The following C17orf99 variants were observed in gnomAD, a reference collection of about 807,000 sequenced individuals.
The protein encoded by C17orf99 is protein IL-40.
C17orf99 carries 18 observed loss-of-function variants against 22.6 expected under a neutral mutation model. The ratio of observed to expected loss-of-function variants is 0.80; its 90% CI spans 0.55 to 1.18. The LOEUF is 1.18. Among genes scored for constraint, C17orf99 ranks in the 50% most tolerant of loss-of-function variants. The pLI, the probability that C17orf99 is intolerant of heterozygous loss-of-function variation, is 0.00. For synonymous variants in C17orf99, 147 were observed against 136.6 expected, an observed-to-expected ratio of 1.08 and a Z score of -0.53; for missense variants, 328 against 342.7, an observed-to-expected ratio of 0.96 and a Z score of 0.34.
intron 3 of C17orf99, among the ~76,000 whole-genome samples, chr17:78,163,148 G>T (rs753023225): frequency 5.9e-5 from 9 of 152,202 alleles, no homozygotes; most frequent in Non-Finnish European, 1.0e-4. Flanking sequence ...CAGCTACTTG[G>T]GTGGCTGAGG....
At chr17:78,157,327 G>A (rs12946626) in intron 2 of C17orf99, 74,590 of 598,096 alleles carry the variant, frequency 0.12, 5,403 homozygotes, top group Admixed American at 0.21. Context: ...CCTGTGTTCA[G>A]CAGCGGCGGC....
rs371151177 is a variant in C17orf99, at chr17:78,164,352, G to T, written c.628G>T (p.Val210Leu). 1.3e-6 allele frequency: 2 copies of T among 1,551,502 alleles called. No homozygotes were observed. The highest frequency in any genetic ancestry group is 3.3e-4 in the Middle Eastern group (2 of 5,992). Residue 210 changes from valine (V) to leucine (L), a missense_variant, in exon 4 of 5, where the codon GTG (valine) becomes TTG (leucine). Coordinates refer to ENST00000340363, the MANE Select transcript of C17orf99 (RefSeq NM_001163075.2). ...CAATGTCCAGCACAGCGCCCTCACA[G>T]TGGTGCCCCCAGGTGAGAGGGCCCT... ...NANVQHSALT[V>L]VPPGGDQKME... is the part of the protein sequence containing the mutation.
Position 78,146,870 on chromosome 17 carries a change from C to T in C17orf99, c.38-9C>T. 1 of 1,551,454 alleles carries T rather than the reference C, an allele frequency of 6.4e-7. No individual in the cohort carries two copies. Among genetic ancestry groups the T allele is most frequent in the Non-Finnish European group, 8.7e-7 (1 of 1,146,804 alleles). On this transcript the variant is annotated splice_polypyrimidine_tract_variant and intron_variant, in intron 1 of 4. Coordinates refer to ENST00000340363, the MANE Select transcript of C17orf99 (RefSeq NM_001163075.2). The surrounding 1 kb of genome is among the most constrained non-coding windows in gnomAD (Gnocchi z 5.2). ...GGCCCTCTCCTTATCGCCCTTACCT[C>T]TCTTACAGCTGCCAGCAGCTTCTCC... is the stretch of plus-strand genomic sequence containing the variant.
At chr17:78,156,255 G>A (rs946443981) in intron 2 of C17orf99, among the ~76,000 whole-genome samples, 3 of 150,316 alleles carry the variant, frequency 2.0e-5, no homozygotes, top group East Asian at 2.0e-4. Flanking sequence ...ACTTGAACCC[G>A]GGAGGCGGAG....
chr17:78,151,423 C>CAAAAAAAAAAAAAAA (rs35828431), intron 2 of C17orf99, among the ~76,000 whole-genome samples: 1 of 56,174 alleles, frequency 1.8e-5, no homozygotes, highest in Non-Finnish European at 3.4e-5. Flanking sequence ...GACTCTGTCT[C>CAAAAAAAAAAAAAAA]AAAAAAAAAA....
rs73375796 is a variant in C17orf99 at position 78,165,191 on chromosome 17, G to T, written c.641-698G>T. The T allele has an allele frequency of 5.5e-3, 5,503 of 992,086 alleles. 267 individuals carry two copies. In the African/African-American group the frequency reaches 0.09, roughly 16 times the overall value. 61.5% of individuals were successfully genotyped at this position (992,086 alleles called of 1,614,324 possible). A position where few individuals can be genotyped will look rare whatever the true frequency, so the allele number is the denominator to read the frequency against. On this transcript the variant is annotated intron_variant, in intron 4 of 4. Coordinates refer to ENST00000340363, the MANE Select transcript of C17orf99 (RefSeq NM_001163075.2). ...CACCACAGGCCTGTGTGCTCTGCCT[G>T]TCTGGCTTTGGTGGTGGCCAGCCCT...
chr17:78,164,325 G>A lies in C17orf99; in HGVS notation c.601G>A (p.Ala201Thr), dbSNP rs572603834. 1.2e-5 allele frequency: 19 copies of A among 1,551,574 alleles called. No individual in the cohort carries two copies. Among genetic ancestry groups the A allele is most frequent in the South Asian group, 8.3e-5 (7 of 84,068 alleles). ...DWFWCQAANN[A>T]NVQHSALTVV... is the part of the protein sequence containing the mutation. ...GTTCTGGTGCCAGGCTGCAAACAAC[G>A]CCAATGTCCAGCACAGCGCCCTCAC... The change falls in exon 4 of 5, where the codon GCC (alanine) becomes ACC (threonine). Residue 201 changes from alanine to threonine, a missense_variant. Coordinates refer to ENST00000340363, the MANE Select transcript of C17orf99 (RefSeq NM_001163075.2).
intron 2 of C17orf99, among the ~76,000 whole-genome samples, chr17:78,150,372 G>A (rs1294028365): frequency 2.0e-5 from 3 of 152,038 alleles, no homozygotes; most frequent in Non-Finnish European, 4.4e-5. Context: ...TTGAACTCCT[G>A]GCCTCAAGCA....
At chr17:78,151,288 G>T (rs113114248) in intron 2 of C17orf99, among the ~76,000 whole-genome samples, 9 of 151,924 alleles carry the variant, frequency 5.9e-5, no homozygotes, top group African/African-American at 2.2e-4. Context: ...AGCCAGGTAT[G>T]GTGGTGTGTG....
chr17:78,146,425 G>C lies in C17orf99; in HGVS notation c.18G>C (p.Leu6=). Residue 6 remains leucine, a synonymous_variant, in exon 1 of 5, where the codon CTG becomes CTC. Coordinates refer to ENST00000340363, the MANE Select transcript of C17orf99 (RefSeq NM_001163075.2). The surrounding 1 kb of genome is among the most constrained non-coding windows in gnomAD (Gnocchi z 5.2). ...ACCGAGGCATGGGGCTCCCTGGGCT[G>C]TTCTGCTTGGCCGTGCTGGGTGAGT... The part of the protein sequence containing the change: MGLPG[L]FCLAVLAASS... The C allele has an allele frequency of 6.4e-7, 1 of 1,550,436 alleles. No homozygotes were observed. The highest frequency in any genetic ancestry group is 8.7e-7 in the Non-Finnish European group (1 of 1,146,886).
In C17orf99 at chr17:78,147,719, A is replaced by G. The variant is rs143553143; in HGVS notation, c.70+808A>G. Among the ~76,000 whole-genome samples the G allele has an allele frequency of 6.8e-4, 103 of 152,324 alleles. 3 individuals carry two copies. Among genetic ancestry groups the G allele is most frequent in the African/African-American group, 2.4e-3 (99 of 41,556 alleles). ...CTCTATTTTGCTAAAGGGCAGGTAC[A>G]GGGTAATGATGACGCCATTCTCACT... is the stretch of plus-strand genomic sequence containing the variant. On this transcript the variant is annotated intron_variant, in intron 2 of 4. Coordinates refer to ENST00000340363, the MANE Select transcript of C17orf99 (RefSeq NM_001163075.2).
At chr17:78,164,045 G>A in intron 3 of C17orf99, 50 bp from the exon 4 acceptor site, 5 of 1,443,916 alleles carry the variant, frequency 3.5e-6, no homozygotes, top group Non-Finnish European at 3.8e-6. Context: ...GAGGAGGAGG[G>A]GTTTAAAACC....
chr17:78,146,443 G>C lies in C17orf99; in HGVS notation c.36G>C (p.Leu12=). 1 of 1,550,234 alleles carries C rather than the reference G, an allele frequency of 6.5e-7. No individual in the cohort carries two copies. Among genetic ancestry groups the C allele is most frequent in the Non-Finnish European group, 8.7e-7 (1 of 1,146,858 alleles). The change falls in exon 1 of 5, where the codon CTG becomes CTC. Residue 12 remains leucine, a splice_region_variant and synonymous_variant. Transcript: ENST00000340363. This position sits in a 1 kb window ranked among gnomAD's most constrained non-coding sequence, Gnocchi z 5.2. ...GLPGLFCLAV[L]AASSFSKARE... is the part of the protein sequence containing the mutation. Reference sequence around the variant, plus strand: ...CTGGGCTGTTCTGCTTGGCCGTGCTGGGTGAGTCCACCAGGGACGTGATGG... The same window carrying C: ...CTGGGCTGTTCTGCTTGGCCGTGCTCGGTGAGTCCACCAGGGACGTGATGG...
chr17:78,149,008 T>C (rs2075457056), intron 2 of C17orf99, among the ~76,000 whole-genome samples: 1 of 151,552 alleles, frequency 6.6e-6, no homozygotes, highest in Admixed American at 6.6e-5. Flanking sequence ...GCAGATGGCA[T>C]GGGATGGGAT....
In C17orf99 at chr17:78,149,659, A is replaced by G. The variant is rs1030167176; in HGVS notation, c.70+2748A>G. Among the ~76,000 whole-genome samples, 4 of 152,064 alleles carry G rather than the reference A, an allele frequency of 2.6e-5. No homozygotes were observed. In the East Asian group the frequency reaches 5.8e-4, roughly 22 times the overall value. On this transcript the variant is annotated intron_variant, in intron 2 of 4. Coordinates refer to ENST00000340363, the MANE Select transcript of C17orf99 (RefSeq NM_001163075.2). ...ATCAATCCTCCTGCCCCAGCCTCCC[A>G]AGTACCTGGGACTACAGGCACACGC... is the stretch of plus-strand genomic sequence containing the variant.
intron 2 of C17orf99, among the ~76,000 whole-genome samples, chr17:78,159,591 C>CA (rs58887528): frequency 0.035 from 4,858 of 140,626 alleles, 307 homozygotes; most frequent in African/African-American, 0.12. Flanking sequence ...GACTCTGTCT[C>CA]AAAAAAAAAA....
Position 78,165,378 on chromosome 17 carries a change from G to A in C17orf99, c.641-511G>A, listed in dbSNP as rs1285207497. The A allele has an allele frequency of 4.1e-6, 4 of 985,408 alleles. No homozygotes were observed. The African/African-American group carries it at 5.2e-5, about 13-fold the overall frequency. 61.0% of individuals were successfully genotyped at this position (985,408 alleles called of 1,614,324 possible). ...TCTGTTCTTTCCAGAAGCCAGACTC[G>A]TGGGTGAGCCATGTCACCTCGCCGA... On this transcript the variant is annotated intron_variant, in intron 4 of 4. Coordinates refer to ENST00000340363, the MANE Select transcript of C17orf99 (RefSeq NM_001163075.2).
At chr17:78,165,374 A>T (rs2075609879) in intron 4 of C17orf99, 1 of 984,798 alleles carries the variant, frequency 1.0e-6, no homozygotes, top group South Asian at 4.7e-5. Flanking sequence ...CAGAAGCCAG[A>T]CTCGTGGGTG....
intron 2 of C17orf99, among the ~76,000 whole-genome samples, chr17:78,156,130 G>A (rs182588592): frequency 4.9e-4 from 74 of 150,910 alleles, no homozygotes; most frequent in African/African-American, 1.8e-3. Context: ...AAGAGTTCGA[G>A]ACCAGCCTGG....
Sources: gnomAD v4.1 joint callset for allele counts (sites outside exome capture counted in the v4.1 genomes callset) on GRCh38, gnomAD v4.1.1 for gene constraint, Gnocchi (gnomAD v3.1) non-coding constraint, MANE v1.5 for transcripts, NCBI Gene and HGNC (gene_info 2026-07-23, HGNC 2026-07-21) for gene names.